Variants in FUT9 observed in about 807,000 individuals in gnomAD.
FUT9 encodes the protein 4-galactosyl-N-acetylglucosaminide 3-alpha-L-fucosyltransferase 9.
Under a neutral mutation model 29.7 loss-of-function variants are expected in FUT9, and 15 were observed. That is an observed-to-expected ratio of 0.51 (90% CI 0.34 to 0.78). The LOEUF is 0.78. Ranked by LOEUF, FUT9 falls within the 30% of genes least tolerant of loss-of-function variation. The pLI is 0.01. For missense variants in FUT9, 319 were observed against 425.4 expected (o/e 0.75, Z 2.20); for synonymous variants, 169 against 153.7 (o/e 1.10, Z -0.74).
At chr6:96,072,991 C>A (rs1326438233) in intron 1 of FUT9, among the ~76,000 whole-genome samples, 1 of 152,166 alleles carries the variant, frequency 6.6e-6, no homozygotes, top group Non-Finnish European at 1.5e-5. Context: ...CTTTAGGAGT[C>A]TTTCCATCTA....
chr6:96,103,585 A>G (rs941721766), intron 1 of FUT9, among the ~76,000 whole-genome samples: 6 of 151,948 alleles, frequency 3.9e-5, no homozygotes, highest in African/African-American at 7.2e-5. Context: ...TGCTCCCTCT[A>G]TCTTCTGGTG....
At chr6:96,154,911 C>T (rs1772747112) in intron 2 of FUT9, among the ~76,000 whole-genome samples, 1 of 152,194 alleles carries the variant, frequency 6.6e-6, no homozygotes, top group Non-Finnish European at 1.5e-5. Flanking sequence ...GTTTCATGGA[C>T]TGGGGTCAGT....
chr6:96,038,095 T>C (rs1770395100), intron 1 of FUT9, among the ~76,000 whole-genome samples: 1 of 152,132 alleles, frequency 6.6e-6, no homozygotes, highest in African/African-American at 2.4e-5. Context: ...CTAAGTAAGA[T>C]GTATAAGATG....
At chr6:96,048,187 C>A (rs1770599397) in intron 1 of FUT9, among the ~76,000 whole-genome samples, 1 of 152,058 alleles carries the variant, frequency 6.6e-6, no homozygotes, top group African/African-American at 2.4e-5. Context: ...ATTGGGCCCT[C>A]CAGAAAATCC....
At chr6:96,092,273 A>G (rs1028034197) in intron 1 of FUT9, among the ~76,000 whole-genome samples, 1 of 152,176 alleles carries the variant, frequency 6.6e-6, no homozygotes, top group Non-Finnish European at 1.5e-5. Flanking sequence ...CCTGAAACAT[A>G]ATACTGAGTG....
intron 2 of FUT9, among the ~76,000 whole-genome samples, chr6:96,163,571 T>G (rs1772953320): frequency 6.6e-6 from 1 of 152,200 alleles, no homozygotes; most frequent in Admixed American, 6.5e-5. Context: ...CCAATACAGC[T>G]GTTTCTGTAC....
intron 2 of FUT9, among the ~76,000 whole-genome samples, chr6:96,178,431 G>A (rs372619233): frequency 2.0e-4 from 30 of 152,112 alleles, no homozygotes; most frequent in African/African-American, 6.7e-4. Context: ...AGCACTAATC[G>A]AAATTTTATG....
At chr6:96,132,733 G>T (rs1336221999) in intron 2 of FUT9, among the ~76,000 whole-genome samples, 2 of 151,940 alleles carry the variant, frequency 1.3e-5, no homozygotes, top group Admixed American at 1.3e-4. Context: ...AATGTGTTTT[G>T]ATATACTGTA....
rs1298831811 is a variant in FUT9, at chr6:96,211,400, T to A, written c.*7165T>A. ...AAGATTCTCAGAGATCATTTTCTGGTAAAGAAAAAGGCCTAGCAATATTTA... is the reference window on the plus strand; with the variant it reads ...AAGATTCTCAGAGATCATTTTCTGGAAAAGAAAAAGGCCTAGCAATATTTA... On this transcript the variant is annotated 3_prime_UTR_variant, in exon 3 of 3. Coordinates refer to ENST00000302103, the MANE Select transcript of FUT9 (RefSeq NM_006581.4). 1.2e-5 allele frequency: 2 copies of A among 166,818 alleles called. No homozygotes were observed. The allele number at this position is 166,818 out of a possible 1,614,324, so 10.3% of individuals were successfully genotyped here. A position where few individuals can be genotyped will look rare whatever the true frequency, so the allele number is the denominator to read the frequency against.
At chr6:96,039,530 A>G (rs924895137) in intron 1 of FUT9, among the ~76,000 whole-genome samples, 4 of 151,720 alleles carry the variant, frequency 2.6e-5, no homozygotes, top group African/African-American at 9.7e-5. Context: ...GTTTTTTCCC[A>G]CTTCAGGCCT....
chr6:96,078,974 CAT>C (rs1771190308), intron 1 of FUT9, among the ~76,000 whole-genome samples: 1 of 152,112 alleles, frequency 6.6e-6, no homozygotes, highest in Non-Finnish European at 1.5e-5. Flanking sequence ...CTTATTTAAA[CAT>C]ATATTCCTGT....
intron 2 of FUT9, among the ~76,000 whole-genome samples, chr6:96,196,794 C>T (rs1225656746): frequency 6.6e-6 from 1 of 152,180 alleles, no homozygotes; most frequent in Non-Finnish European, 1.5e-5. Context: ...TTCTCTTTAG[C>T]ATTCCTTCCT....
intron 2 of FUT9, among the ~76,000 whole-genome samples, chr6:96,136,300 G>C (rs967359854): frequency 6.6e-6 from 1 of 151,714 alleles, no homozygotes; most frequent in Non-Finnish European, 1.5e-5. Flanking sequence ...TTTTAGCTTT[G>C]AGCATGATAT....
At chr6:96,019,780 C>T (rs896824715) in intron 1 of FUT9, among the ~76,000 whole-genome samples, 8 of 151,984 alleles carry the variant, frequency 5.3e-5, no homozygotes, top group African/African-American at 1.7e-4. Flanking sequence ...GAAAGATTCA[C>T]GGAATTCAGA....
chr6:96,093,756 T>C (rs1771451785), intron 1 of FUT9, among the ~76,000 whole-genome samples: 1 of 152,144 alleles, frequency 6.6e-6, no homozygotes, highest in Admixed American at 6.6e-5. Flanking sequence ...ACTTTTAAAA[T>C]ATTACCAAGA....
intron 2 of FUT9, among the ~76,000 whole-genome samples, chr6:96,138,249 A>G (rs2127972012): frequency 6.6e-6 from 1 of 152,336 alleles, no homozygotes; most frequent in Non-Finnish European, 1.5e-5. Context: ...GTAAACAAAG[A>G]AAGAGGAATT....
chr6:96,143,433 A>G (rs752635990), intron 2 of FUT9, among the ~76,000 whole-genome samples: 1 of 152,218 alleles, frequency 6.6e-6, no homozygotes, highest in Non-Finnish European at 1.5e-5. Flanking sequence ...TGTCATGGCT[A>G]GATAGCAGAT....
chr6:96,085,351 A>G (rs151100433), intron 1 of FUT9, among the ~76,000 whole-genome samples: 1 of 152,320 alleles, frequency 6.6e-6, no homozygotes, highest in Non-Finnish European at 1.5e-5. Context: ...CTTCCCTCAT[A>G]GATGGCAGCT....
chr6:96,179,665 G>A (rs1773270208), intron 2 of FUT9, among the ~76,000 whole-genome samples: 1 of 151,844 alleles, frequency 6.6e-6, no homozygotes, highest in Admixed American at 6.6e-5. Flanking sequence ...CTTGCTGGCT[G>A]AAAGAAAAGA....
Sources: allele counts gnomAD v4.1 joint callset (sites outside exome capture counted in the v4.1 genomes callset), GRCh38; gene constraint gnomAD v4.1.1; transcripts MANE v1.5; gene names NCBI Gene and HGNC (gene_info 2026-07-23, HGNC 2026-07-21).